The following RARB variants were observed in gnomAD, a reference collection of about 807,000 sequenced individuals.
RARB encodes the protein HBV-activated protein.
RARB carries 17 observed loss-of-function variants against 51.9 expected under a neutral mutation model. That is an observed-to-expected ratio of 0.33 (90% CI 0.22 to 0.49). The LOEUF is 0.49. RARB is among the 20% of genes least tolerant of loss of function. The pLI is 0.99. For synonymous variants in RARB, 215 were observed against 195.4 expected, an observed-to-expected ratio of 1.10 and a Z score of -0.84; for missense variants, 369 against 550.8, an observed-to-expected ratio of 0.67 and a Z score of 3.30.
intron 2 of RARB, among the ~76,000 whole-genome samples, chr3:25,019,748 C>A (rs1042349751): frequency 6.6e-6 from 1 of 152,082 alleles, no homozygotes; most frequent in African/African-American, 2.4e-5. Flanking sequence ...TACTTTGCTA[C>A]TTAGGAAGAT....
intron 3 of RARB, among the ~76,000 whole-genome samples, chr3:25,068,748 G>A (rs1296285599): frequency 6.6e-6 from 1 of 152,102 alleles, no homozygotes; most frequent in Non-Finnish European, 1.5e-5. Flanking sequence ...GAGGCAAGAA[G>A]CACCATCTAT....
intron 2 of RARB, among the ~76,000 whole-genome samples, chr3:24,986,950 A>G (rs1455781224): frequency 7.0e-6 from 1 of 142,118 alleles, no homozygotes; most frequent in African/African-American, 2.6e-5. Context: ...CTCATAACCC[A>G]AGAACATTTA....
At chr3:25,027,957 C>T (rs1309786928) in intron 2 of RARB, among the ~76,000 whole-genome samples, 1 of 131,440 alleles carries the variant, frequency 7.6e-6, no homozygotes, top group African/African-American at 2.8e-5. Context: ...AATAAACAGG[C>T]CTTCATTGGC....
At chr3:25,341,910 T>G (rs1026103216) in intron 5 of RARB, among the ~76,000 whole-genome samples, 1 of 152,030 alleles carries the variant, frequency 6.6e-6, no homozygotes, top group Non-Finnish European at 1.5e-5. Context: ...CTCATTTTAC[T>G]TTGTTCTTTC....
chr3:25,078,479 G>A (rs904279663), intron 3 of RARB, among the ~76,000 whole-genome samples: 1 of 150,972 alleles, frequency 6.6e-6, no homozygotes, highest in African/African-American at 2.4e-5. Flanking sequence ...ATATGACAAT[G>A]CTGCAATGAC....
intron 4 of RARB, among the ~76,000 whole-genome samples, chr3:25,163,842 T>C (rs1211065117): frequency 6.6e-6 from 1 of 152,070 alleles, no homozygotes; most frequent in East Asian, 1.9e-4. Flanking sequence ...TCTTTTGACC[T>C]TAGGAGGTAA....
At chr3:25,072,989 C>T (rs780213799) in intron 3 of RARB, among the ~76,000 whole-genome samples, 13 of 152,066 alleles carry the variant, frequency 8.5e-5, no homozygotes, top group Admixed American at 5.2e-4. Context: ...TGAGCCACCG[C>T]GCCCGGCCGG....
At chr3:25,446,500 T>A (rs1472997568) in intron 1 of RARB, among the ~76,000 whole-genome samples, 2 of 152,186 alleles carry the variant, frequency 1.3e-5, no homozygotes, top group Admixed American at 1.3e-4. Flanking sequence ...TTGCAGACCC[T>A]GCCTTAAAAC....
intron 5 of RARB, among the ~76,000 whole-genome samples, chr3:25,367,231 T>A (rs1438708189): frequency 6.6e-6 from 1 of 152,166 alleles, no homozygotes; most frequent in Non-Finnish European, 1.5e-5. Flanking sequence ...GAGCATCATT[T>A]TGGCAGACAA....
intron 2 of RARB, among the ~76,000 whole-genome samples, chr3:24,911,636 T>C (rs2125379565): frequency 6.6e-6 from 1 of 152,310 alleles, no homozygotes; most frequent in Non-Finnish European, 1.5e-5. Context: ...TCTCCACGGA[T>C]GGTATCAGAG....
intron 2 of RARB, among the ~76,000 whole-genome samples, chr3:25,467,889 A>G (rs902800012): frequency 9.2e-5 from 14 of 152,234 alleles, no homozygotes; most frequent in South Asian, 4.1e-4. Flanking sequence ...TCCTCATGGA[A>G]TTTAGTGTCT....
At chr3:24,857,756 AAAAAC>A (rs1180917184) in intron 1 of RARB, among the ~76,000 whole-genome samples, 2 of 152,156 alleles carry the variant, frequency 1.3e-5, no homozygotes, top group African/African-American at 4.8e-5. Flanking sequence ...TCTCTACAAA[AAAAAC>A]AAAACAAAAC....
intron 5 of RARB, among the ~76,000 whole-genome samples, chr3:25,273,305 C>G (rs1346474257): frequency 6.6e-6 from 1 of 152,192 alleles, no homozygotes; most frequent in African/African-American, 2.4e-5. Flanking sequence ...CATCTCAAGT[C>G]TTTTGAGCTG....
At chr3:24,874,681 A>G (rs574001691) in intron 2 of RARB, among the ~76,000 whole-genome samples, 1 of 151,744 alleles carries the variant, frequency 6.6e-6, no homozygotes, top group South Asian at 2.1e-4. Flanking sequence ...GCCTCTTTAC[A>G]TAGCTTTTTT....
At chr3:24,836,725 G>T (rs925260367) in intron 1 of RARB, among the ~76,000 whole-genome samples, 3 of 152,134 alleles carry the variant, frequency 2.0e-5, no homozygotes, top group African/African-American at 7.2e-5. Context: ...AATATCCAGG[G>T]TGCTCAATAG....
intron 5 of RARB, among the ~76,000 whole-genome samples, chr3:25,397,421 C>T (rs1006897013): frequency 5.3e-5 from 8 of 152,302 alleles, no homozygotes; most frequent in African/African-American, 1.2e-4. Flanking sequence ...AAGCCACTTC[C>T]TTCAAAGGGT....
At chr3:24,921,135 A>AT (rs953490920) in intron 2 of RARB, among the ~76,000 whole-genome samples, 5 of 151,990 alleles carry the variant, frequency 3.3e-5, no homozygotes, top group South Asian at 2.1e-4. Flanking sequence ...GAGAATTCTG[A>AT]TTTTTTTTCA....
At chr3:25,219,323 C>CCT (rs1179339794) in intron 5 of RARB, among the ~76,000 whole-genome samples, 3 of 151,914 alleles carry the variant, frequency 2.0e-5, no homozygotes, top group African/African-American at 7.3e-5. Flanking sequence ...GAAGTCTCAA[C>CCT]CTACCCTATT....
At chr3:25,588,207 CAT>C (rs1285949737) in intron 5 of RARB, among the ~76,000 whole-genome samples, 1 of 152,206 alleles carries the variant, frequency 6.6e-6, no homozygotes, top group Non-Finnish European at 1.5e-5. Context: ...TGTGTACACT[CAT>C]ATGGGTGAAT....
Sources: gnomAD v4.1 joint callset for allele counts (sites outside exome capture counted in the v4.1 genomes callset) on GRCh38, gnomAD v4.1.1 for gene constraint, MANE v1.5 for transcripts, NCBI Gene and HGNC (gene_info 2026-07-23, HGNC 2026-07-21) for gene names.